CNGB3: variants seen among roughly 807,000 people sequenced by gnomAD.
The protein encoded by CNGB3 is cyclic nucleotide gated channel subunit beta 3.
A neutral mutation model predicts 92.8 loss-of-function variants in CNGB3; 86 were observed. That is an observed-to-expected ratio of 0.93 (90% CI 0.78 to 1.11). The LOEUF is 1.11. Among genes scored for constraint, CNGB3 ranks in the 50% least tolerant of loss-of-function variants. CNGB3 has a pLI of 0.00. For synonymous variants in CNGB3, 333 were observed against 332.7 expected (o/e 1.00, Z -0.01); for missense variants, 1,026 against 956.8 (o/e 1.07, Z -0.95).
chr8:86,592,295 C>G (rs935466553), intron 15 of CNGB3, among the ~76,000 whole-genome samples: 1 of 152,174 alleles, frequency 6.6e-6, no homozygotes, highest in Non-Finnish European at 1.5e-5. Flanking sequence ...AGAAATCACC[C>G]GTCTTCTGCG....
chr8:86,588,487 G>C lies in CNGB3; in HGVS notation c.1782-9235C>G, dbSNP rs1821944151. ...ATTGGCTGTGGGTTTGTCATAGATA[G>C]CTCTTATTATTTTGAAATATGTCCC... is the stretch of plus-strand genomic sequence containing the variant. On this transcript the variant is annotated intron_variant, in intron 15 of 17. Coordinates refer to ENST00000320005, the MANE Select transcript of CNGB3 (RefSeq NM_019098.5). 1.1e-4 allele frequency among the ~76,000 whole-genome samples: 16 copies of C among 146,434 alleles called. No homozygotes were observed. In the South Asian group the frequency reaches 3.5e-3, roughly 32 times the overall value.
chr8:86,609,926 C>T (rs184484907), intron 14 of CNGB3, among the ~76,000 whole-genome samples: 2 of 152,254 alleles, frequency 1.3e-5, no homozygotes, highest in Non-Finnish European at 2.9e-5. Context: ...CATCTCCCAA[C>T]CCTGGATCTA....
At chr8:86,602,722 C>A in intron 15 of CNGB3, among the ~76,000 whole-genome samples, 1 of 152,226 alleles carries the variant, frequency 6.6e-6, no homozygotes, top group Admixed American at 6.5e-5. Context: ...TGAGCCACCA[C>A]AGTTGACTTC....
intron 3 of CNGB3, among the ~76,000 whole-genome samples, chr8:86,690,110 T>C (rs530163465): frequency 1.1e-4 from 17 of 152,350 alleles, no homozygotes; most frequent in African/African-American, 3.8e-4. Flanking sequence ...ATGGTATTTC[T>C]AGTTCTAGAT....
intron 3 of CNGB3, among the ~76,000 whole-genome samples, chr8:86,702,850 GTCT>G (rs1318968865): frequency 6.6e-6 from 1 of 151,624 alleles, no homozygotes; most frequent in African/African-American, 2.4e-5. Flanking sequence ...CGTTTTTCAT[GTCT>G]TCTTCTATTT....
intron 2 of CNGB3, among the ~76,000 whole-genome samples, chr8:86,735,181 T>C (rs1414835128): frequency 7.6e-6 from 1 of 131,410 alleles, no homozygotes; most frequent in Non-Finnish European, 1.6e-5. Context: ...CTTGCTGTGT[T>C]GCCCAGGCTG....
intron 6 of CNGB3, among the ~76,000 whole-genome samples, chr8:86,664,091 G>C (rs983388989): frequency 1.3e-5 from 2 of 152,148 alleles, no homozygotes; most frequent in African/African-American, 2.4e-5. Flanking sequence ...CAAGCTGCCA[G>C]GTTGCTCTGG....
intron 10 of CNGB3, among the ~76,000 whole-genome samples, chr8:86,638,337 T>C (rs1010880367): frequency 1.3e-5 from 2 of 152,168 alleles, no homozygotes; most frequent in South Asian, 2.1e-4. Flanking sequence ...ACATTCCCTC[T>C]AACAATATGT....
intron 13 of CNGB3, among the ~76,000 whole-genome samples, chr8:86,621,377 A>AT: frequency 6.6e-6 from 1 of 152,226 alleles, no homozygotes; most frequent in East Asian, 1.9e-4. Context: ...TGTATATGTG[A>AT]TTTTAAAAAT....
chr8:86,598,295 G>A (rs1454619219), intron 15 of CNGB3, among the ~76,000 whole-genome samples: 1 of 152,208 alleles, frequency 6.6e-6, no homozygotes, highest in African/African-American at 2.4e-5. Flanking sequence ...TGTCCAGTGA[G>A]AGATGGATGA....
At chr8:86,610,259 T>TG (rs1288852994) in intron 14 of CNGB3, among the ~76,000 whole-genome samples, 2 of 152,178 alleles carry the variant, frequency 1.3e-5, no homozygotes, top group East Asian at 3.9e-4. Flanking sequence ...AAGAACCATC[T>TG]TTTTTTTGCT....
intron 6 of CNGB3, among the ~76,000 whole-genome samples, chr8:86,656,967 A>G (rs1201998550): frequency 6.6e-6 from 1 of 152,144 alleles, no homozygotes; most frequent in Non-Finnish European, 1.5e-5. Context: ...TTACACAGAT[A>G]GAATATGTAC....
chr8:86,674,701 C>T (rs145060632), intron 3 of CNGB3, among the ~76,000 whole-genome samples: 3 of 152,204 alleles, frequency 2.0e-5, no homozygotes, highest in African/African-American at 7.2e-5. Flanking sequence ...AAGAATTATT[C>T]CTAATTCCAT....
At chr8:86,591,217 T>C (rs1057215010) in intron 15 of CNGB3, among the ~76,000 whole-genome samples, 4 of 141,502 alleles carry the variant, frequency 2.8e-5, no homozygotes, top group African/African-American at 1.0e-4. Context: ...TTTTCTGTAT[T>C]GGTTATTCTA....
intron 6 of CNGB3, chr8:86,661,639 G>T: frequency 1.2e-6 from 1 of 831,510 alleles, no homozygotes; most frequent in South Asian, 1.4e-5. Flanking sequence ...TCATCTTACA[G>T]TGATTTAAGT....
Position 86,594,488 on chromosome 8 carries a change from G to A in CNGB3, c.1781+9605C>T, listed in dbSNP as rs987892559. 68 of 294,330 alleles carry A rather than the reference G, an allele frequency of 2.3e-4. 1 individual carries two copies. Among genetic ancestry groups the A allele is most frequent in the Non-Finnish European group, 2.6e-4 (40 of 152,850 alleles). 18.2% of individuals were successfully genotyped at this position (294,330 alleles called of 1,614,324 possible). A position where few individuals can be genotyped will look rare whatever the true frequency, so the allele number is the denominator to read the frequency against. ...AAAGACGTGGTCCAGGAGGGGACCCGACACGTAGCTCTGGAAGCCAGCCTT... is the reference window on the plus strand; with the variant it reads ...AAAGACGTGGTCCAGGAGGGGACCCAACACGTAGCTCTGGAAGCCAGCCTT... On this transcript the variant is annotated intron_variant, in intron 15 of 17. Coordinates refer to ENST00000320005, the MANE Select transcript of CNGB3 (RefSeq NM_019098.5).
At chr8:86,714,595 T>C (rs1824813398) in intron 3 of CNGB3, among the ~76,000 whole-genome samples, 1 of 152,110 alleles carries the variant, frequency 6.6e-6, no homozygotes, top group African/African-American at 2.4e-5. Flanking sequence ...CATAATGAAC[T>C]TTTGCTCCAA....
chr8:86,640,985 G>C (rs996163968), intron 10 of CNGB3, among the ~76,000 whole-genome samples: 10 of 151,960 alleles, frequency 6.6e-5, no homozygotes, highest in Non-Finnish European at 1.3e-4. Context: ...TGAAACAGGA[G>C]GTTGGCACAA....
At chr8:86,739,879 A>T (rs1825312671) in intron 1 of CNGB3, 143 bp from the exon 2 acceptor site, 1 of 1,035,864 alleles carries the variant, frequency 9.7e-7, no homozygotes, top group Non-Finnish European at 1.4e-6. Context: ...TGATTCTTGC[A>T]TTTAAAATGG....
Sources: gnomAD v4.1 joint callset for allele counts (sites outside exome capture counted in the v4.1 genomes callset) on GRCh38, gnomAD v4.1.1 for gene constraint, MANE v1.5 for transcripts, NCBI Gene and HGNC (gene_info 2026-07-23, HGNC 2026-07-21) for gene names.